Variants in GRIA4 observed in about 807,000 individuals in gnomAD.
GRIA4 encodes glutamate receptor 4.
GRIA4 carries 34 observed loss-of-function variants against 104.0 expected under a neutral mutation model. The ratio of observed to expected loss-of-function variants is 0.33; its 90% confidence interval spans 0.25 to 0.44. The LOEUF (loss-of-function observed/expected upper bound fraction) is 0.44, where lower values mean the gene tolerates loss of function less well. GRIA4 is among the 20% of genes least tolerant of loss of function. The pLI is 1.00. For synonymous variants in GRIA4, 386 were observed against 381.9 expected (o/e 1.01, Z -0.13); for missense variants, 750 against 1,096.5 (o/e 0.68, Z 4.46).
intron 5 of GRIA4, among the ~76,000 whole-genome samples, chr11:105,877,360 C>T (rs1001968620): frequency 3.9e-5 from 6 of 152,234 alleles, no homozygotes; most frequent in African/African-American, 1.4e-4. Context: ...TCATTTCAAC[C>T]TTGGTGAATC....
intron 4 of GRIA4, among the ~76,000 whole-genome samples, chr11:105,815,252 T>G (rs1943329602): frequency 6.6e-6 from 1 of 152,194 alleles, no homozygotes; most frequent in Admixed American, 6.5e-5. Flanking sequence ...CAATGATTCT[T>G]GTCTAATAGA....
At chr11:105,645,393 C>A (rs34374338) in intron 3 of GRIA4, among the ~76,000 whole-genome samples, 6 of 152,154 alleles carry the variant, frequency 3.9e-5, no homozygotes, top group Non-Finnish European at 7.3e-5. Flanking sequence ...TGCCTCAGGG[C>A]CTGCTTATAC....
intron 14 of GRIA4, among the ~76,000 whole-genome samples, chr11:105,948,595 GTTTTTT>G (rs3060323): frequency 1.1e-5 from 1 of 87,868 alleles, no homozygotes. Flanking sequence ...TTTTCTTTTT[GTTTTTT>G]TTTTTTTTTT....
chr11:105,615,700 T>A (rs888201343), intron 3 of GRIA4, among the ~76,000 whole-genome samples: 2 of 151,796 alleles, frequency 1.3e-5, no homozygotes, highest in African/African-American at 4.8e-5. Context: ...AGAATAGTTA[T>A]CTTTGCAAAC....
At chr11:105,641,704 A>G (rs573540772) in intron 3 of GRIA4, among the ~76,000 whole-genome samples, 6 of 152,130 alleles carry the variant, frequency 3.9e-5, no homozygotes, top group African/African-American at 1.4e-4. Flanking sequence ...CCCATCCTTA[A>G]CCACTTTTAG....
chr11:105,976,889 T>C (rs1293878059), intron 16 of GRIA4, among the ~76,000 whole-genome samples: 1 of 151,980 alleles, frequency 6.6e-6, no homozygotes, highest in Non-Finnish European at 1.5e-5. Flanking sequence ...GATGTAAGTA[T>C]AGGAAATAAA....
chr11:105,661,066 G>C (rs1951994188), intron 3 of GRIA4, among the ~76,000 whole-genome samples: 1 of 108,954 alleles, frequency 9.2e-6, no homozygotes, highest in Non-Finnish European at 2.1e-5. Context: ...AACGCTAGAA[G>C]CCCTAACACC....
intron 4 of GRIA4, among the ~76,000 whole-genome samples, chr11:105,859,699 C>A (rs1295234395): frequency 6.6e-6 from 1 of 151,810 alleles, no homozygotes; most frequent in East Asian, 1.9e-4. Context: ...TGTGTGGGGG[C>A]CGTTTTTATT....
At chr11:105,716,603 A>G (rs921428661) in intron 3 of GRIA4, among the ~76,000 whole-genome samples, 9 of 152,164 alleles carry the variant, frequency 5.9e-5, no homozygotes, top group Non-Finnish European at 1.2e-4. Flanking sequence ...CCTAAGCTAC[A>G]CATCATCACT....
At chr11:105,927,733 T>C (rs1256730553) in intron 13 of GRIA4, among the ~76,000 whole-genome samples, 1 of 151,902 alleles carries the variant, frequency 6.6e-6, no homozygotes, top group Non-Finnish European at 1.5e-5. Context: ...CTAGTCTTTT[T>C]AAATCCAGAG....
intron 3 of GRIA4, among the ~76,000 whole-genome samples, chr11:105,725,918 G>A (rs908582664): frequency 1.4e-4 from 22 of 152,102 alleles, no homozygotes; most frequent in African/African-American, 2.2e-4. Flanking sequence ...AGATTCCCTC[G>A]GGTGCCTACA....
In GRIA4 at chr11:105,979,950, A is replaced by C; in HGVS notation, c.*211A>C. ...CAAACTCAGATTTTATATCAGGAAA[A>C]CTCACAATTGAGGTTTTTTTCGGGG... On this transcript the variant is annotated 3_prime_UTR_variant, in exon 17 of 17. Coordinates refer to ENST00000282499, the MANE Select transcript of GRIA4 (RefSeq NM_000829.4). 2.3e-5 allele frequency: 10 copies of C among 443,324 alleles called. No individual in the cohort carries two copies. The highest frequency in any genetic ancestry group is 4.4e-5 in the South Asian group (1 of 22,554). 27.5% of individuals were successfully genotyped at this position (443,324 alleles called of 1,614,324 possible).
chr11:105,737,000 C>T (rs544861494), intron 3 of GRIA4, among the ~76,000 whole-genome samples: 12 of 152,122 alleles, frequency 7.9e-5, no homozygotes, highest in Middle Eastern at 3.4e-3. Flanking sequence ...AGTAATAAAT[C>T]ATGGTTTAAT....
At chr11:105,888,255 T>TTAAGGATG (rs1946338351) in intron 6 of GRIA4, among the ~76,000 whole-genome samples, 1 of 146,188 alleles carries the variant, frequency 6.8e-6, no homozygotes, top group Non-Finnish European at 1.5e-5. Flanking sequence ...ATTGGAGAAG[T>TTAAGGATG]TAAGGATGTT....
At chr11:105,637,888 A>T (rs1355993770) in intron 3 of GRIA4, among the ~76,000 whole-genome samples, 1 of 152,186 alleles carries the variant, frequency 6.6e-6, no homozygotes, top group Non-Finnish European at 1.5e-5. Context: ...CTTATCACCG[A>T]TGAAAAACTG....
At chr11:105,945,097 A>G (rs886470368) in intron 14 of GRIA4, among the ~76,000 whole-genome samples, 1 of 152,130 alleles carries the variant, frequency 6.6e-6, no homozygotes, top group African/African-American at 2.4e-5. Context: ...ATGAGCTGAG[A>G]ACACCCCAGC....
chr11:105,636,537 T>C (rs74778543), intron 3 of GRIA4, among the ~76,000 whole-genome samples: 3,076 of 152,274 alleles, frequency 0.02, 58 homozygotes, highest in African/African-American at 0.049. Context: ...AAGTGATCTC[T>C]ACAATTCCAG....
intron 3 of GRIA4, among the ~76,000 whole-genome samples, chr11:105,688,128 A>C (rs1042018004): frequency 1.3e-5 from 1 of 77,320 alleles, no homozygotes; most frequent in African/African-American, 3.9e-5. Context: ...ATCTATATCT[A>C]TATCTATATC....
chr11:105,629,043 A>G (rs1305167444), intron 3 of GRIA4, among the ~76,000 whole-genome samples: 2 of 148,274 alleles, frequency 1.3e-5, no homozygotes, highest in East Asian at 4.0e-4. Context: ...TTAAAGGGCC[A>G]GTCTGGGCAA....
Sources: gnomAD v4.1 joint callset for allele counts (sites outside exome capture counted in the v4.1 genomes callset) on GRCh38, gnomAD v4.1.1 for gene constraint, MANE v1.5 for transcripts, NCBI Gene and HGNC (gene_info 2026-07-23, HGNC 2026-07-21) for gene names.